SH3D19: variants seen among roughly 807,000 people sequenced by gnomAD.
The protein encoded by SH3D19 is SH3 domain-containing protein 19.
A neutral mutation model predicts 112.1 loss-of-function variants in SH3D19; 58 were observed. The observed-to-expected ratio is 0.52, with a 90% CI of 0.42 to 0.64. The LOEUF (loss-of-function observed/expected upper bound fraction) is 0.64. Among genes scored for constraint, SH3D19 ranks in the 30% least tolerant of loss-of-function variants. The probability of loss-of-function intolerance (pLI) is 0.00; values close to 1 mark genes in which losing one functional copy is unlikely to be tolerated. For missense variants in SH3D19, 1,090 were observed against 1,263.4 expected (o/e 0.86, Z 2.08); for synonymous variants, 391 against 448.5 (o/e 0.87, Z 1.62).
At chr4:151,237,017 C>T (rs1335940048) in intron 1 of SH3D19, among the ~76,000 whole-genome samples, 2 of 152,206 alleles carry the variant, frequency 1.3e-5, no homozygotes, top group African/African-American at 4.8e-5. Context: ...CCCTTCCATA[C>T]TGTGGAAGCT....
At chr4:151,287,798 T>C (rs1014255018) in intron 1 of SH3D19, among the ~76,000 whole-genome samples, 1 of 152,210 alleles carries the variant, frequency 6.6e-6, no homozygotes, top group Non-Finnish European at 1.5e-5. Context: ...GATGATCACT[T>C]GAGACCGGGA....
chr4:151,291,360 C>T, intron 1 of SH3D19: 2 of 1,614,000 alleles, frequency 1.2e-6, no homozygotes. Context: ...TTGGACCTAA[C>T]ACTATACACA....
chr4:151,171,210 CTT>C (rs767687240), intron 7 of SH3D19, among the ~76,000 whole-genome samples: 2 of 142,660 alleles, frequency 1.4e-5, no homozygotes. Context: ...TGGCTATTTT[CTT>C]TTTTTTTTTT....
chr4:151,309,083 C>T (rs928643349), intron 1 of SH3D19, among the ~76,000 whole-genome samples: 13 of 152,080 alleles, frequency 8.5e-5, no homozygotes, highest in Non-Finnish European at 1.3e-4. Context: ...TGGCCAGGCT[C>T]GTCTTGAACT....
chr4:151,165,712 G>A lies in SH3D19; in HGVS notation c.1535-16C>T, dbSNP rs1388326919. ...TGAAAGGGATCTAATGAAAAACATA[G>A]TTTATTTTGCATGTTTTAGTTAACA... On this transcript the variant is annotated splice_polypyrimidine_tract_variant and intron_variant, in intron 7 of 19. Transcript: ENST00000604030. 1 of 1,604,104 alleles carries A rather than the reference G, an allele frequency of 6.2e-7. No individual in the cohort carries two copies. Among genetic ancestry groups the A allele is most frequent in the South Asian group, 1.1e-5 (1 of 90,678 alleles).
Position 151,217,961 on chromosome 4 carries a change from T to C in SH3D19, c.152+8086A>G, listed in dbSNP as rs563659958. ...TACATATAAGCACACATACTACACA[T>C]ACACACACATATATATATCCCCATT... On this transcript the variant is annotated intron_variant, in intron 2 of 19. Transcript: ENST00000604030. Among the ~76,000 whole-genome samples the C allele has an allele frequency of 3.1e-4, 47 of 152,174 alleles. 1 individual carries two copies. The East Asian group carries it at 6.0e-3, about 19-fold the overall frequency.
chr4:151,275,845 ATTAT>A lies in SH3D19; in HGVS notation c.112+49392_112+49395del, dbSNP rs1414613412. Among the ~76,000 whole-genome samples, 55 of 97,456 alleles carry A rather than the reference ATTAT, an allele frequency of 5.6e-4. 1 individual carries two copies. Among genetic ancestry groups the A allele is most frequent in the African/African-American group, 2.0e-3 (54 of 27,304 alleles). The allele number at this position is 97,456 out of a possible 152,430, so 63.9% of individuals were successfully genotyped here. On this transcript the variant is annotated intron_variant, in intron 1 of 19. Coordinates refer to ENST00000604030, the MANE Select transcript of SH3D19 (RefSeq NM_001378122.1). ...CACTTCTATTATTATTATTATTATTATTATTTTTTTTTTTTTAGACGGAGTCTCG... is the reference window on the plus strand; with the variant it reads ...CACTTCTATTATTATTATTATTATTATTTTTTTTTTTTAGACGGAGTCTCG...
intron 1 of SH3D19, among the ~76,000 whole-genome samples, chr4:151,276,741 A>G (rs1050215998): frequency 2.6e-5 from 4 of 152,228 alleles, no homozygotes; most frequent in African/African-American, 4.8e-5. Context: ...TAACACTGTA[A>G]CAGAAATGAA....
chr4:151,317,456 C>T (rs1730097955), intron 1 of SH3D19, among the ~76,000 whole-genome samples: 2 of 152,226 alleles, frequency 1.3e-5, no homozygotes, highest in South Asian at 4.2e-4. Flanking sequence ...GCTGAAATGA[C>T]CTAAGGGAAA....
chr4:151,293,679 T>C (rs1406515010), intron 1 of SH3D19, among the ~76,000 whole-genome samples: 1 of 152,150 alleles, frequency 6.6e-6, no homozygotes, highest in Non-Finnish European at 1.5e-5. Flanking sequence ...AAAAGTACTG[T>C]TTATACTGCT....
intron 1 of SH3D19, among the ~76,000 whole-genome samples, chr4:151,230,399 CA>C (rs1388507847): frequency 6.6e-6 from 1 of 152,140 alleles, no homozygotes; most frequent in Non-Finnish European, 1.5e-5. Flanking sequence ...GTAAGACATT[CA>C]GGCTTTGATG....
chr4:151,188,172 C>G (rs1040451368), intron 2 of SH3D19, among the ~76,000 whole-genome samples: 1 of 152,132 alleles, frequency 6.6e-6, no homozygotes, highest in African/African-American at 2.4e-5. Context: ...ATAAATTACC[C>G]ATTTTGTGGT....
chr4:151,263,219 A>G (rs568476462), intron 1 of SH3D19, among the ~76,000 whole-genome samples: 1 of 152,210 alleles, frequency 6.6e-6, no homozygotes, highest in Non-Finnish European at 1.5e-5. Flanking sequence ...TTGAAGACAG[A>G]GCCTGGGGAA....
chr4:151,243,801 A>C (rs1257700135), intron 1 of SH3D19, among the ~76,000 whole-genome samples: 1 of 152,242 alleles, frequency 6.6e-6, no homozygotes, highest in Non-Finnish European at 1.5e-5. Flanking sequence ...GAAAATTGCT[A>C]TTCTTGGATA....
At chr4:151,214,532 G>A (rs112243433) in intron 2 of SH3D19, among the ~76,000 whole-genome samples, 39 of 134,020 alleles carry the variant, frequency 2.9e-4, no homozygotes, top group African/African-American at 9.6e-4. Context: ...CAGTAGGGGC[G>A]GCCGGGCAGA....
intron 9 of SH3D19, among the ~76,000 whole-genome samples, chr4:151,153,752 T>G (rs901478895): frequency 2.0e-5 from 3 of 152,204 alleles, no homozygotes; most frequent in Non-Finnish European, 2.9e-5. Context: ...GGTATGCATT[T>G]ATTATAGTAC....
At chr4:151,324,503 T>C (rs898987886) in intron 1 of SH3D19, among the ~76,000 whole-genome samples, 3 of 152,140 alleles carry the variant, frequency 2.0e-5, no homozygotes, top group Admixed American at 1.3e-4. Context: ...GTCCTCTCTA[T>C]TATGTTTGAT....
chr4:151,253,239 G>A (rs1373691335), intron 1 of SH3D19, among the ~76,000 whole-genome samples: 5 of 152,124 alleles, frequency 3.3e-5, no homozygotes, highest in Non-Finnish European at 7.3e-5. Context: ...TTTCCTAAAC[G>A]TTCCAAGCAC....
chr4:151,211,088 A>G (rs1339282174), intron 2 of SH3D19, among the ~76,000 whole-genome samples: 24 of 152,172 alleles, frequency 1.6e-4, no homozygotes, highest in Admixed American at 1.6e-3. Context: ...TAAAAATATA[A>G]GATATCTGAC....
Sources: gnomAD v4.1 joint callset for allele counts (sites outside exome capture counted in the v4.1 genomes callset) on GRCh38, gnomAD v4.1.1 for gene constraint, MANE v1.5 for transcripts, NCBI Gene and HGNC (gene_info 2026-07-23, HGNC 2026-07-21) for gene names.